The following DCHS2 variants were observed in gnomAD, a reference collection of about 807,000 sequenced individuals.
DCHS2 encodes the protein dachsous cadherin-related 2.
A neutral mutation model predicts 182.4 loss-of-function variants in DCHS2; 142 were observed. That is an observed-to-expected ratio of 0.78 (90% CI 0.68 to 0.89). The LOEUF is 0.89. Among genes scored for constraint, DCHS2 ranks in the 40% least tolerant of loss-of-function variants. The pLI is 0.00. For missense variants in DCHS2, 4,319 were observed against 4,198.6 expected, an observed-to-expected ratio of 1.03 and a Z score of -0.79; for synonymous variants, 1,740 against 1,663.3, an observed-to-expected ratio of 1.05 and a Z score of -1.12.
rs1731328361 is a variant in DCHS2, at chr4:154,234,198, T to C, written c.*338A>G. ...GCAGCAATGTGACCAGAGTACACTA[T>C]ATTTTGTTTCCATATAAACATTCTG... On this transcript the variant is annotated 3_prime_UTR_variant, in exon 20 of 20. Coordinates refer to ENST00000357232, the MANE Select transcript of DCHS2 (RefSeq NM_001358235.2). 4.9e-6 allele frequency: 1 copy of C among 206,116 alleles called. No homozygotes were observed. The allele number at this position is 206,116 out of a possible 1,614,324, so 12.8% of individuals were successfully genotyped here. A position where few individuals can be genotyped will look rare whatever the true frequency, so the allele number is the denominator to read the frequency against.
chr4:154,259,907 A>G (rs1036122652), intron 14 of DCHS2, 151 bp from the exon 15 acceptor site: 6 of 929,840 alleles, frequency 6.5e-6, no homozygotes, highest in Non-Finnish European at 9.0e-6. Context: ...ACTGCAACCT[A>G]CGCCTCCCGG....
chr4:154,283,600 T>C (rs1478658971), intron 13 of DCHS2, among the ~76,000 whole-genome samples: 1 of 145,164 alleles, frequency 6.9e-6, no homozygotes, highest in African/African-American at 2.8e-5. Context: ...TGATTATAAA[T>C]TGTTGCACTT....
intron 1 of DCHS2, among the ~76,000 whole-genome samples, chr4:154,382,277 AATGAATTTTAATTTCAACTAG>A (rs1731205408): frequency 6.6e-6 from 1 of 152,152 alleles, no homozygotes; most frequent in South Asian, 2.1e-4. Flanking sequence ...ACAAAAATTA[AATGAATTTTAATTTCAACTAG>A]ATGAATTTTA....
At position 154,328,288 on chromosome 4, in the gene DCHS2, T is replaced by C. The variant is rs1320234389; in HGVS notation, c.3919-96A>G. 1.0e-5 allele frequency: 8 copies of C among 782,330 alleles called. No homozygotes were observed. In the East Asian group the frequency reaches 1.7e-4, roughly 16 times the overall value. The allele number at this position is 782,330 out of a possible 1,614,324, so 48.5% of individuals were successfully genotyped here. On this transcript the variant is annotated intron_variant, in intron 6 of 19. Transcript: ENST00000357232. ...ATGAATGAATACATTATACTAAACATTTTAAACTATCTTAAAATCCACATA... is the reference window on the plus strand; with the variant it reads ...ATGAATGAATACATTATACTAAACACTTTAAACTATCTTAAAATCCACATA...
At chr4:154,392,889 G>A (rs1731771091) in intron 1 of DCHS2, among the ~76,000 whole-genome samples, 1 of 152,054 alleles carries the variant, frequency 6.6e-6, no homozygotes, top group African/African-American at 2.4e-5. Flanking sequence ...TCTAACTTGG[G>A]GACTGTTTGA....
intron 1 of DCHS2, among the ~76,000 whole-genome samples, chr4:154,460,875 G>A (rs1160538789): frequency 1.3e-5 from 2 of 152,076 alleles, no homozygotes; most frequent in East Asian, 1.9e-4. Context: ...AAAACTAGCA[G>A]GGTAAAATAT....
At chr4:154,421,684 A>G (rs1264305730) in intron 1 of DCHS2, among the ~76,000 whole-genome samples, 1 of 152,212 alleles carries the variant, frequency 6.6e-6, no homozygotes, top group Non-Finnish European at 1.5e-5. Flanking sequence ...GTAAGCCACC[A>G]CGCCCGAACT....
At chr4:154,380,362 C>T (rs1029628278) in intron 1 of DCHS2, among the ~76,000 whole-genome samples, 1 of 152,080 alleles carries the variant, frequency 6.6e-6, no homozygotes, top group Non-Finnish European at 1.5e-5. Flanking sequence ...CCACAAATTT[C>T]CCCACTACAA....
chr4:154,235,033 TAAA>T lies in DCHS2; in HGVS notation c.9616_9618del (p.Phe3206del). The stretch of plus-strand genomic sequence containing the variant: ...CACCTTACTTCCTGATCACCTGAAA[TAAA>T]GACAGACTCTTTTCTAACGTCAGCC... On this transcript the variant is annotated inframe_deletion, in exon 20 of 20. Coordinates refer to ENST00000357232, the MANE Select transcript of DCHS2 (RefSeq NM_001358235.2). 8.1e-6 allele frequency: 13 copies of T among 1,613,980 alleles called. No individual in the cohort carries two copies. Among genetic ancestry groups the T allele is most frequent in the Non-Finnish European group, 1.1e-5 (13 of 1,179,954 alleles).
chr4:154,322,486 C>A lies in DCHS2; in HGVS notation c.4021G>T (p.Asp1341Tyr), dbSNP rs1417620558. The A allele has an allele frequency of 1.3e-6, 2 of 1,590,296 alleles. No homozygotes were observed. The highest frequency in any genetic ancestry group is 2.7e-5 in the African/African-American group (2 of 74,124). Residue 1341 changes from aspartate (D) to tyrosine (Y), a missense_variant and splice_region_variant, in exon 8 of 20, where the codon GAT (aspartate) becomes TAT (tyrosine). By Grantham distance (160) the Asp-to-Tyr change is radical. Coordinates refer to ENST00000357232, the MANE Select transcript of DCHS2 (RefSeq NM_001358235.2). ...TCAATCTTAAAGTGATCAGAACTATCTTCTACACACACAAGAAAATTAAGA... is the reference window on the plus strand; with the variant it reads ...TCAATCTTAAAGTGATCAGAACTATATTCTACACACACAAGAAAATTAAGA... The part of the protein sequence containing the change: ...AEVTYSVSSE[D>Y]SSDHFKIDAN...
chr4:154,323,888 A>C (rs955670572), intron 7 of DCHS2, among the ~76,000 whole-genome samples: 1 of 151,622 alleles, frequency 6.6e-6, no homozygotes, highest in Non-Finnish European at 1.5e-5. Flanking sequence ...AAAAAAATCC[A>C]AAAGCTGAAA....
At position 154,490,729 on chromosome 4, in the gene DCHS2, C is replaced by G; in HGVS notation, c.627G>C (p.Pro209=). The G allele has an allele frequency of 6.4e-6, 10 of 1,551,630 alleles. No individual in the cohort carries two copies. The highest frequency in any genetic ancestry group is 8.7e-6 in the Non-Finnish European group (10 of 1,146,918). Residue 209 remains proline, a synonymous_variant, in exon 1 of 20, where the codon CCG becomes CCC. Transcript: ENST00000357232. The stretch of plus-strand genomic sequence containing the variant: ...CTGCGGGGTCCTTGGGCAGGTCGGA[C>G]GGTTGCACCAGGGTGTAGCCCTGAG... ...FSTQGYTLVQ[P]SDLPKDPAGP...
At chr4:154,351,895 G>C (rs1729634142) in intron 3 of DCHS2, among the ~76,000 whole-genome samples, 1 of 152,134 alleles carries the variant, frequency 6.6e-6, no homozygotes, top group Admixed American at 6.5e-5. Context: ...CAGTGGCCCA[G>C]GGGTTGGGAA....
chr4:154,334,757 T>C lies in DCHS2; in HGVS notation c.2713+111A>G, dbSNP rs1395851558. The C allele has an allele frequency of 9.5e-6, 8 of 839,792 alleles. No homozygotes were observed. The South Asian group carries it at 1.2e-4, about 12-fold the overall frequency. 52.0% of individuals were successfully genotyped at this position (839,792 alleles called of 1,614,324 possible). On this transcript the variant is annotated intron_variant, in intron 4 of 19. Transcript: ENST00000357232. The stretch of plus-strand genomic sequence containing the variant: ...CCACAGTTTGTGTTATCTCCCTTGT[T>C]TTGACTTGCGTGGAAAGAAGAAAAA...
chr4:154,482,461 C>T (rs562093827), intron 1 of DCHS2, among the ~76,000 whole-genome samples: 1 of 152,228 alleles, frequency 6.6e-6, no homozygotes, highest in South Asian at 2.1e-4. Flanking sequence ...GATAGCAGCA[C>T]AGGTTTCCAG....
chr4:154,284,193 ATTT>A (rs1312044632), intron 13 of DCHS2, among the ~76,000 whole-genome samples: 1 of 152,240 alleles, frequency 6.6e-6, no homozygotes, highest in Non-Finnish European at 1.5e-5. Flanking sequence ...TGAAAACAGC[ATTT>A]TTATCCTCAA....
chr4:154,346,362 G>T (rs1729360879), intron 3 of DCHS2, among the ~76,000 whole-genome samples: 1 of 152,152 alleles, frequency 6.6e-6, no homozygotes, highest in East Asian at 1.9e-4. Flanking sequence ...CTACTTAAGT[G>T]GCAGTTATGA....
At chr4:154,371,473 AT>A (rs748846732) in intron 2 of DCHS2, among the ~76,000 whole-genome samples, 5 of 152,272 alleles carry the variant, frequency 3.3e-5, no homozygotes, top group Non-Finnish European at 5.9e-5. Flanking sequence ...GCTTAAGTTC[AT>A]AAAGGAGTTT....
At chr4:154,374,020 A>AAC in intron 2 of DCHS2, 1 of 1,393,554 alleles carries the variant, frequency 7.2e-7, no homozygotes, top group Admixed American at 2.2e-5. Context: ...AAAAAAAAAA[A>AAC]AAAAACTTGC....
Sources: allele counts gnomAD v4.1 joint callset (sites outside exome capture counted in the v4.1 genomes callset), GRCh38; gene constraint gnomAD v4.1.1; transcripts MANE v1.5; gene names NCBI Gene and HGNC (gene_info 2026-07-23, HGNC 2026-07-21).